The following NALCN variants were observed in gnomAD, a reference collection of about 807,000 sequenced individuals.
NALCN encodes sodium leak channel, non-selective.
NALCN carries 111 observed loss-of-function variants against 225.3 expected under a neutral mutation model. The ratio of observed to expected loss-of-function variants is 0.49; its 90% CI spans 0.42 to 0.58. The LOEUF (loss-of-function observed/expected upper bound fraction) is 0.58. NALCN is among the 20% of genes least tolerant of loss of function. The pLI is 0.00. For synonymous variants in NALCN, 764 were observed against 769.0 expected (o/e 0.99, Z 0.11); for missense variants, 1,378 against 2,202.4 (o/e 0.63, Z 7.49).
At chr13:101,273,967 G>C (rs530498371) in intron 10 of NALCN, among the ~76,000 whole-genome samples, 1 of 152,040 alleles carries the variant, frequency 6.6e-6, no homozygotes, top group Non-Finnish European at 1.5e-5. Context: ...GGAGATCAGG[G>C]AGATGCAAAT....
intron 6 of NALCN, chr13:101,368,399 A>G (rs1484667001): frequency 6.6e-6 from 1 of 151,868 alleles, no homozygotes; most frequent in South Asian, 2.1e-4. Context: ...AATCCAGTCT[A>G]TCATTGTTGG....
At chr13:101,404,242 G>A (rs918670923) in intron 1 of NALCN, among the ~76,000 whole-genome samples, 12 of 152,304 alleles carry the variant, frequency 7.9e-5, no homozygotes, top group African/African-American at 2.9e-4. Context: ...ATATTGAGCA[G>A]TGGATTCCCA....
intron 17 of NALCN, among the ~76,000 whole-genome samples, chr13:101,142,008 G>A (rs2037102965): frequency 6.6e-6 from 1 of 151,696 alleles, no homozygotes; most frequent in Admixed American, 6.6e-5. Context: ...AACTGACATT[G>A]ATTATGTGAC....
chr13:101,115,307 T>C (rs750087234), intron 18 of NALCN, among the ~76,000 whole-genome samples: 2 of 152,126 alleles, frequency 1.3e-5, no homozygotes, highest in Non-Finnish European at 2.9e-5. Context: ...CATACATCTT[T>C]CTCTATGTTG....
intron 3 of NALCN, among the ~76,000 whole-genome samples, chr13:101,380,664 T>C (rs1052837577): frequency 2.0e-5 from 3 of 152,178 alleles, no homozygotes; most frequent in African/African-American, 7.2e-5. Context: ...CATAAGCCTC[T>C]ACCTTTAGTA....
At chr13:101,231,794 T>C (rs1206592258) in intron 12 of NALCN, among the ~76,000 whole-genome samples, 1 of 152,128 alleles carries the variant, frequency 6.6e-6, no homozygotes, top group African/African-American at 2.4e-5. Context: ...ATAACATTTG[T>C]TTCTTTTTGG....
At chr13:101,194,373 A>C (rs765569753) in intron 13 of NALCN, among the ~76,000 whole-genome samples, 11 of 152,216 alleles carry the variant, frequency 7.2e-5, no homozygotes, top group Non-Finnish European at 1.3e-4. Flanking sequence ...GGCTGCTGAA[A>C]TGAATAAACC....
chr13:101,317,970 T>G (rs1310885947), intron 7 of NALCN, among the ~76,000 whole-genome samples: 3 of 152,078 alleles, frequency 2.0e-5, no homozygotes, highest in Non-Finnish European at 4.4e-5. Flanking sequence ...AGGAGGGAGA[T>G]CCTTTCTTTG....
At chr13:101,087,942 G>A (rs1193358712) in intron 30 of NALCN, among the ~76,000 whole-genome samples, 2 of 152,096 alleles carry the variant, frequency 1.3e-5, no homozygotes, top group Non-Finnish European at 2.9e-5. Context: ...TGACTGATTA[G>A]CTTCTGCTTA....
At chr13:101,119,193 A>G (rs2035855837) in intron 18 of NALCN, among the ~76,000 whole-genome samples, 1 of 152,238 alleles carries the variant, frequency 6.6e-6, no homozygotes, top group Non-Finnish European at 1.5e-5. Context: ...TAATAAATAC[A>G]TAGTGATTAT....
intron 18 of NALCN, among the ~76,000 whole-genome samples, chr13:101,118,688 T>G (rs1019941193): frequency 2.0e-5 from 3 of 152,264 alleles, no homozygotes; most frequent in African/African-American, 7.2e-5. Context: ...AAGATAAATA[T>G]TTATGACATT....
At chr13:101,242,610 A>G (rs1275243467) in intron 11 of NALCN, among the ~76,000 whole-genome samples, 1 of 106,440 alleles carries the variant, frequency 9.4e-6, no homozygotes, top group African/African-American at 3.4e-5. Context: ...CTTTTTTCAA[A>G]GATCCCTATT....
intron 6 of NALCN, among the ~76,000 whole-genome samples, chr13:101,355,079 C>T (rs893116440): frequency 7.2e-5 from 11 of 152,108 alleles, no homozygotes; most frequent in Admixed American, 3.3e-4. Context: ...ATCTCTCTCT[C>T]GTGTTCATTC....
chr13:101,377,551 C>T (rs1361797091), intron 4 of NALCN, among the ~76,000 whole-genome samples: 1 of 151,844 alleles, frequency 6.6e-6, no homozygotes, highest in Non-Finnish European at 1.5e-5. Flanking sequence ...TTCAACCTGA[C>T]AAAGCTGATT....
chr13:101,251,566 T>A (rs892458478), intron 11 of NALCN, among the ~76,000 whole-genome samples: 1 of 152,122 alleles, frequency 6.6e-6, no homozygotes, highest in Non-Finnish European at 1.5e-5. Context: ...GTGTTGAATT[T>A]ATGAAATACT....
intron 7 of NALCN, among the ~76,000 whole-genome samples, chr13:101,293,258 T>G (rs499775): frequency 0.11 from 16,680 of 152,252 alleles, 994 homozygotes; most frequent in African/African-American, 0.16. Flanking sequence ...TTTCTCCATC[T>G]GTAAAATGGG....
At chr13:101,101,083 C>G (rs1189789973) in intron 26 of NALCN, among the ~76,000 whole-genome samples, 195 bp from the exon 27 acceptor site, 1 of 151,870 alleles carries the variant, frequency 6.6e-6, no homozygotes, top group Non-Finnish European at 1.5e-5. Context: ...AATTAACAAG[C>G]TTTGAATTTT....
At chr13:101,237,594 T>C (rs1229179657) in intron 12 of NALCN, among the ~76,000 whole-genome samples, 161 bp downstream of exon 12, 1 of 151,578 alleles carries the variant, frequency 6.6e-6, no homozygotes, top group Non-Finnish European at 1.5e-5. Context: ...CTTTTCTAAT[T>C]TGTAAGATGT....
At chr13:101,080,979 T>G (rs1053222413) in intron 34 of NALCN, among the ~76,000 whole-genome samples, 19 of 151,956 alleles carry the variant, frequency 1.3e-4, no homozygotes, top group African/African-American at 4.1e-4. Context: ...TTAGGTAAAA[T>G]AGTGAGAACA....
Sources: gnomAD v4.1 joint callset for allele counts (sites outside exome capture counted in the v4.1 genomes callset) on GRCh38, gnomAD v4.1.1 for gene constraint, MANE v1.5 for transcripts, NCBI Gene and HGNC (gene_info 2026-07-23, HGNC 2026-07-21) for gene names.